The following TOPAZ1 variants were observed in gnomAD, a reference collection of about 807,000 sequenced individuals.
The protein encoded by TOPAZ1 is testis and ovary specific TOPAZ 1, also known as protein TOPAZ1.
Under a neutral mutation model 172.2 loss-of-function variants are expected in TOPAZ1, and 66 were observed. That is an observed-to-expected ratio of 0.38 (90% CI 0.31 to 0.47). TOPAZ1 has a LOEUF of 0.47. TOPAZ1 is among the 20% of genes least tolerant of loss of function. The pLI, the probability that TOPAZ1 is intolerant of heterozygous loss-of-function variation, is 0.99. For missense variants in TOPAZ1, 1,822 were observed against 1,972.4 expected, an observed-to-expected ratio of 0.92 and a Z score of 1.44; for synonymous variants, 681 against 683.9, an observed-to-expected ratio of 1.00 and a Z score of 0.07.
In TOPAZ1 at chr3:44,323,228, T is replaced by C. The variant is rs1700560840; in HGVS notation, c.4608T>C (p.Phe1536=). The part of the protein sequence containing the change: ...ISKSIPIDFS[F]LRRLITSLGR... ...AGAGCATCCCTATTGATTTTTCCTT[T>C]CTCAGAAGATTAATTACTTCTTTAG... Residue 1536 remains phenylalanine, a synonymous_variant, in exon 18 of 20, where the codon TTT becomes TTC. Coordinates refer to ENST00000309765, the MANE Select transcript of TOPAZ1 (RefSeq NM_001145030.2). The C allele has an allele frequency of 2.6e-6, 4 of 1,550,696 alleles. No individual in the cohort carries two copies. The South Asian group carries it at 3.6e-5, about 14-fold the overall frequency.
chr3:44,244,344 C>T lies in TOPAZ1; in HGVS notation c.1838C>T (p.Thr613Ile), dbSNP rs1699532025. ...GGGTCAGAGGTAATTTCTAACACTA[C>T]TGAAGATACTCAATTAACCAGTGAG... is the stretch of plus-strand genomic sequence containing the variant. ...RRGSEVISNT[T>I]EDTQLTSETQ... The change falls in exon 2 of 20, where the codon ACT becomes ATT. Residue 613 changes from threonine to isoleucine, a missense_variant. By Grantham distance (89) the Thr-to-Ile change is moderately conservative. Coordinates refer to ENST00000309765, the MANE Select transcript of TOPAZ1 (RefSeq NM_001145030.2). 1.9e-6 allele frequency: 3 copies of T among 1,550,456 alleles called. No homozygotes were observed. Among genetic ancestry groups the T allele is most frequent in the Non-Finnish European group, 1.7e-6 (2 of 1,146,666 alleles).
chr3:44,294,559 A>G (rs1379980702), intron 12 of TOPAZ1, among the ~76,000 whole-genome samples: 2 of 152,098 alleles, frequency 1.3e-5, no homozygotes, highest in East Asian at 1.9e-4. Context: ...CAGTGGTGCA[A>G]TCATGGCTCA....
chr3:44,303,693 C>T (rs1269682264), intron 12 of TOPAZ1, among the ~76,000 whole-genome samples: 1 of 152,058 alleles, frequency 6.6e-6, no homozygotes, highest in African/African-American at 2.4e-5. Flanking sequence ...CAGTAGAGAT[C>T]ATGTGCCAGG....
At chr3:44,324,790 A>G (rs1039376884) in intron 18 of TOPAZ1, among the ~76,000 whole-genome samples, 2 of 152,198 alleles carry the variant, frequency 1.3e-5, no homozygotes, top group Admixed American at 6.5e-5. Flanking sequence ...AAGAAACCTC[A>G]TATGCATTAG....
intron 16 of TOPAZ1, among the ~76,000 whole-genome samples, chr3:44,311,458 GT>G (rs894497229): frequency 3.9e-5 from 6 of 152,226 alleles, no homozygotes; most frequent in Admixed American, 2.6e-4. Flanking sequence ...CTGTCTGAAA[GT>G]TTGTGGCAAA....
chr3:44,244,867 T>G lies in TOPAZ1; in HGVS notation c.2361T>G (p.Ser787=). 1 of 1,551,764 alleles carries G rather than the reference T, an allele frequency of 6.4e-7. No individual in the cohort carries two copies. ...GNNSKPSNHV[S]EPGNIVSNKE... ...ATAGCAAACCATCTAATCACGTCTC[T>G]GAACCAGGCAATATTGTTTCTAATA... Residue 787 remains serine (S), a synonymous_variant, in exon 2 of 20, where the codon TCT becomes TCG. Transcript: ENST00000309765.
In TOPAZ1 at chr3:44,244,045, A is replaced by G; in HGVS notation, c.1539A>G (p.Pro513=). Residue 513 remains proline (P), a synonymous_variant, in exon 2 of 20, where the codon CCA becomes CCG. Transcript: ENST00000309765. ...GGTGTTGGAAAAAGGCTTCCTTGCC[A>G]GAATCAAGTTACTTTCTTCGTGGGT... is the stretch of plus-strand genomic sequence containing the variant. The part of the protein sequence containing the change: ...SAWCWKKASL[P]ESSYFLRGSQ... 1.3e-6 allele frequency: 2 copies of G among 1,551,882 alleles called. No homozygotes were observed. The highest frequency in any genetic ancestry group is 1.7e-6 in the Non-Finnish European group (2 of 1,147,010).
intron 12 of TOPAZ1, among the ~76,000 whole-genome samples, chr3:44,295,228 C>G (rs1395291445): frequency 6.6e-6 from 1 of 152,160 alleles, no homozygotes; most frequent in Non-Finnish European, 1.5e-5. Context: ...AAACACACCT[C>G]TATCAATACA....
intron 12 of TOPAZ1, 21 bp from the exon 13 acceptor site, chr3:44,303,994 A>G: frequency 6.9e-7 from 1 of 1,446,466 alleles, no homozygotes; most frequent in Non-Finnish European, 9.5e-7. Context: ...TAGTATAATT[A>G]ACTCTTTTCT....
chr3:44,244,620 A>G lies in TOPAZ1; in HGVS notation c.2114A>G (p.Lys705Arg), dbSNP rs187511279. 323 of 1,551,258 alleles carry G rather than the reference A, an allele frequency of 2.1e-4. No homozygotes were observed. In the East Asian group the frequency reaches 6.5e-3, roughly 31 times the overall value. The change falls in exon 2 of 20, where the codon AAG (lysine) becomes AGG (arginine). Residue 705 changes from lysine to arginine, a missense_variant. Lys to Arg is a conservative substitution (Grantham distance 26). Transcript: ENST00000309765. ...KSEKRKEVNA[K>R]SSEREAYSPL... ...GAAAAAAGAAAAGAAGTAAATGCCA[A>G]GTCATCAGAGAGAGAAGCTTACAGT... is the stretch of plus-strand genomic sequence containing the variant.
chr3:44,243,731 G>T lies in TOPAZ1; in HGVS notation c.1225G>T (p.Glu409Ter). 1 of 1,551,398 alleles carries T rather than the reference G, an allele frequency of 6.4e-7. No individual in the cohort carries two copies. The highest frequency in any genetic ancestry group is 1.2e-5 in the South Asian group (1 of 83,952). Residue 409 changes from glutamate to a stop codon, truncating the protein, a stop_gained, in exon 2 of 20, where the codon GAA becomes TAA. Coordinates refer to ENST00000309765, the MANE Select transcript of TOPAZ1 (RefSeq NM_001145030.2). LOFTEE classifies it high-confidence loss of function. ...PETVEKETSS[E>*]HHVNAVFQKT... ...AACAGTAGAAAAAGAAACAAGTTCT[G>T]AACATCATGTAAATGCTGTGTTTCA...
intron 12 of TOPAZ1, among the ~76,000 whole-genome samples, chr3:44,297,095 C>G (rs1312701225): frequency 6.7e-6 from 1 of 150,070 alleles, no homozygotes; most frequent in African/African-American, 2.4e-5. Context: ...CACTTGAACC[C>G]AGGAGGCGGA....
chr3:44,309,133 T>C (rs1384774053), intron 15 of TOPAZ1, among the ~76,000 whole-genome samples: 1 of 152,244 alleles, frequency 6.6e-6, no homozygotes, highest in African/African-American at 2.4e-5. Context: ...CAGGAAAAGC[T>C]TGCTGGCTCA....
intron 4 of TOPAZ1, among the ~76,000 whole-genome samples, chr3:44,256,828 G>A (rs776974779): frequency 1.3e-4 from 19 of 151,994 alleles, no homozygotes; most frequent in Non-Finnish European, 2.2e-4. Context: ...ACTTGTTTTC[G>A]TCTCTCTCTT....
intron 15 of TOPAZ1, among the ~76,000 whole-genome samples, chr3:44,307,588 A>G (rs1032084796): frequency 1.3e-5 from 2 of 152,064 alleles, no homozygotes; most frequent in East Asian, 3.9e-4. Flanking sequence ...GTGCTGAGGG[A>G]TGGAGTTTAT....
intron 9 of TOPAZ1, among the ~76,000 whole-genome samples, chr3:44,284,696 C>G (rs943692985): frequency 1.3e-5 from 2 of 152,078 alleles, no homozygotes; most frequent in African/African-American, 4.8e-5. Context: ...ATAAAATTTC[C>G]CTTTCCAGAA....
At position 44,271,098 on chromosome 3, in the gene TOPAZ1, A is replaced by G. The variant is rs534024224; in HGVS notation, c.3372+288A>G. On this transcript the variant is annotated intron_variant, in intron 8 of 19. Coordinates refer to ENST00000309765, the MANE Select transcript of TOPAZ1 (RefSeq NM_001145030.2). ...GGGTGGAGCAGATTTGGATATTACAATTGTGATGCTGTCAGTGTTCCCCAT... is the reference window on the plus strand; with the variant it reads ...GGGTGGAGCAGATTTGGATATTACAGTTGTGATGCTGTCAGTGTTCCCCAT... Among the ~76,000 whole-genome samples the G allele has an allele frequency of 3.9e-5, 6 of 152,282 alleles. No homozygotes were observed. The East Asian group carries it at 5.8e-4, about 15-fold the overall frequency.
intron 2 of TOPAZ1, among the ~76,000 whole-genome samples, chr3:44,246,808 C>T (rs1021077485): frequency 6.6e-6 from 1 of 152,168 alleles, no homozygotes; most frequent in African/African-American, 2.4e-5. Flanking sequence ...AGGGAAAGTA[C>T]TTGCCTCAGG....
At chr3:44,251,413 T>G (rs1001745784) in intron 2 of TOPAZ1, among the ~76,000 whole-genome samples, 1 of 152,260 alleles carries the variant, frequency 6.6e-6, no homozygotes, top group Admixed American at 6.5e-5. Context: ...TGAGCCACTA[T>G]GCTAAGCCCT....
Sources: allele counts gnomAD v4.1 joint callset (sites outside exome capture counted in the v4.1 genomes callset), GRCh38; gene constraint gnomAD v4.1.1; transcripts MANE v1.5; gene names NCBI Gene and HGNC (gene_info 2026-07-23, HGNC 2026-07-21).